Variants in WDR4 observed in about 807,000 individuals in gnomAD.
WDR4 encodes tRNA (guanine-N(7)-)-methyltransferase non-catalytic subunit WDR4.
WDR4 carries 47 observed loss-of-function variants against 48.6 expected under a neutral mutation model. That is an observed-to-expected ratio of 0.97 (90% CI 0.77 to 1.23). WDR4 has a LOEUF of 1.23. Among genes scored for constraint, WDR4 ranks in the 50% most tolerant of loss-of-function variants. The pLI is 0.00. For missense variants in WDR4, 606 were observed against 551.6 expected (o/e 1.10, Z -0.99); for synonymous variants, 268 against 230.0 (o/e 1.17, Z -1.49).
At chr21:42,857,995 G>GTGGGGAA (rs2058034252) in intron 6 of WDR4, among the ~76,000 whole-genome samples, 1 of 151,960 alleles carries the variant, frequency 6.6e-6, no homozygotes, top group Non-Finnish European at 1.5e-5. Context: ...GGAGGCCTGA[G>GTGGGGAA]GTGGGAGGAT....
chr21:42,892,424 CTT>C, the WDR4 span, among the ~76,000 whole-genome samples: 1 of 151,960 alleles, frequency 6.6e-6, no homozygotes, highest in Non-Finnish European at 1.5e-5. Context: ...GCAGACTCCT[CTT>C]TGATAAAGGC....
At position 42,849,971 on chromosome 21, in the gene WDR4, G is replaced by A; in HGVS notation, c.*78C>T. ...CTGATGTCACCTTTTCCTTCTTGAA[G>A]GGACATGCCAGGATGCAGGGGAACA... On this transcript the variant is annotated 3_prime_UTR_variant, in exon 11 of 11. Coordinates refer to ENST00000398208, the MANE Select transcript of WDR4 (RefSeq NM_018669.6). The A allele has an allele frequency of 6.4e-7, 1 of 1,563,074 alleles. No individual in the cohort carries two copies. The highest frequency in any genetic ancestry group is 8.7e-7 in the Non-Finnish European group (1 of 1,148,332).
chr21:42,848,582 AGCACACGATCACGCAGCGTGCACCT>A (rs2145982467), downstream of WDR4, among the ~76,000 whole-genome samples: 1 of 69,732 alleles, frequency 1.4e-5, no homozygotes, highest in Admixed American at 1.4e-4. Flanking sequence ...CGCACCTCAC[AGCACACGATCACGCAGCGTGCACCT>A]CACACACAGC....
intron 7 of WDR4, among the ~76,000 whole-genome samples, chr21:42,854,887 C>T (rs549530535): frequency 6.6e-6 from 1 of 152,206 alleles, no homozygotes; most frequent in Admixed American, 6.5e-5. Context: ...CAAGATAGGT[C>T]AGACAGTGAG....
chr21:42,858,543 AC>A (rs2058045693), intron 6 of WDR4, among the ~76,000 whole-genome samples: 1 of 151,896 alleles, frequency 6.6e-6, no homozygotes, highest in African/African-American at 2.4e-5. Context: ...GAAAACACTG[AC>A]CCTCCTCGCG....
rs932848641 is a variant in WDR4 at position 42,852,146 on chromosome 21, CTT to C, written c.1045+107_1045+108del. On this transcript the variant is annotated intron_variant, in intron 10 of 10. Coordinates refer to ENST00000398208, the MANE Select transcript of WDR4 (RefSeq NM_018669.6). The stretch of plus-strand genomic sequence containing the variant: ...ATGGGGACACACGCTTACTCTCCCT[CTT>C]TATCTGCACACCAGGTACCCCGGGC... 5.9e-6 allele frequency: 7 copies of C among 1,182,528 alleles called. No homozygotes were observed. The African/African-American group carries it at 1.1e-4, about 18-fold the overall frequency. The allele number at this position is 1,182,528 out of a possible 1,614,324, so 73.3% of individuals were successfully genotyped here. A position where few individuals can be genotyped will look rare whatever the true frequency, so the allele number is the denominator to read the frequency against.
At chr21:42,855,190 G>T (rs1470722944) in intron 7 of WDR4, among the ~76,000 whole-genome samples, 1 of 152,110 alleles carries the variant, frequency 6.6e-6, no homozygotes, top group African/African-American at 2.4e-5. Flanking sequence ...TCCACGTGAA[G>T]CATGAAGGAA....
chr21:42,870,176 C>T (rs540150902), intron 3 of WDR4, among the ~76,000 whole-genome samples: 2 of 152,066 alleles, frequency 1.3e-5, no homozygotes, highest in South Asian at 4.1e-4. Flanking sequence ...AATGGCAAAA[C>T]CCCATCTCTA....
intron 9 of WDR4, among the ~76,000 whole-genome samples, chr21:42,852,578 C>G (rs965970497): frequency 6.6e-6 from 1 of 152,242 alleles, no homozygotes; most frequent in Non-Finnish European, 1.5e-5. Flanking sequence ...CTGGGGACAT[C>G]ATGTGGCCTG....
At chr21:42,873,324 C>A (rs535520244) in intron 3 of WDR4, among the ~76,000 whole-genome samples, 2 of 152,320 alleles carry the variant, frequency 1.3e-5, no homozygotes, top group African/African-American at 4.8e-5. Context: ...TAACTGTTCA[C>A]CACCCAGCGT....
At chr21:42,860,748 G>A (rs2058095480) in intron 5 of WDR4, among the ~76,000 whole-genome samples, 1 of 152,270 alleles carries the variant, frequency 6.6e-6, no homozygotes, top group Admixed American at 6.5e-5. Flanking sequence ...CCAGGGGTCT[G>A]AAACAAAATC....
At chr21:42,885,375 C>T in the WDR4 span, among the ~76,000 whole-genome samples, 4 of 152,062 alleles carry the variant, frequency 2.6e-5, no homozygotes, top group African/African-American at 9.7e-5. Flanking sequence ...CTTTGGGAAG[C>T]CGAGGCAGGC....
At chr21:42,861,064 C>T (rs1439411889) in intron 5 of WDR4, among the ~76,000 whole-genome samples, 1 of 152,136 alleles carries the variant, frequency 6.6e-6, no homozygotes, top group African/African-American at 2.4e-5. Context: ...GTAATCCCAG[C>T]ACTGTGGGAG....
chr21:42,852,462 G>A (rs561164621), intron 9 of WDR4, 138 bp from the exon 10 acceptor site: 4 of 923,110 alleles, frequency 4.3e-6, no homozygotes, highest in Non-Finnish European at 6.6e-6. Flanking sequence ...TTCACCTTCT[G>A]TGGAGACCTG....
Position 42,873,681 on chromosome 21 carries a change from G to T in WDR4, c.166C>A (p.Pro56Thr). The T allele has an allele frequency of 6.2e-7, 1 of 1,613,910 alleles. No homozygotes were observed. The change falls in exon 3 of 11, where the codon CCC becomes ACC. Residue 56 changes from proline to threonine, a missense_variant. Physicochemically the swap from Pro to Thr is conservative, Grantham distance 38 (BLOSUM62 -1). Transcript: ENST00000398208. The part of the protein sequence containing the change: ...KSQENKGEDA[P>T]LDQGSGAILA... The stretch of plus-strand genomic sequence containing the variant: ...ATCGCACCGCTCCCCTGGTCCAAGG[G>T]CGCGTCCTCCCTGAGGAAGAGAGGA...
At chr21:42,847,926 C>T (rs1273384495), downstream of WDR4, among the ~76,000 whole-genome samples, 4 of 152,192 alleles carry the variant, frequency 2.6e-5, no homozygotes, top group East Asian at 1.9e-4. Context: ...GCATGCCCTG[C>T]GCCAGATGCC....
In WDR4 at chr21:42,879,491, G is replaced by A. The variant is rs749105000; in HGVS notation, c.5C>T (p.Ala2Val). 4 of 1,612,994 alleles carry A rather than the reference G, an allele frequency of 2.5e-6. No individual in the cohort carries two copies. Among genetic ancestry groups the A allele is most frequent in the African/African-American group, 2.7e-5 (2 of 74,860 alleles). The change falls in exon 1 of 11, where the codon GCG (alanine) becomes GTG (valine). Residue 2 changes from alanine (A) to valine (V), a missense_variant. By Grantham distance (64) the Ala-to-Val change is moderately conservative. Coordinates refer to ENST00000398208, the MANE Select transcript of WDR4 (RefSeq NM_018669.6). The part of the protein sequence containing the change: M[A>V]GSVGLALCGQ... ...GCACAACGCCAGTCCCACAGAGCCC[G>A]CCATGTACCCGCCCGCCTCACCGCC...
chr21:42,892,123 G>C, the WDR4 span, among the ~76,000 whole-genome samples: 1 of 148,530 alleles, frequency 6.7e-6, no homozygotes, highest in Non-Finnish European at 1.5e-5. Flanking sequence ...GCGTGGTGGC[G>C]GGTGCCTGTA....
At chr21:42,876,814 A>G in intron 1 of WDR4, 47 bp from the exon 2 acceptor site, 1 of 1,567,320 alleles carries the variant, frequency 6.4e-7, no homozygotes, top group Non-Finnish European at 8.6e-7. Flanking sequence ...CATTAGAGAG[A>G]AATAACAAAT....
Sources: gnomAD v4.1 joint callset for allele counts (sites outside exome capture counted in the v4.1 genomes callset) on GRCh38, gnomAD v4.1.1 for gene constraint, MANE v1.5 for transcripts, NCBI Gene and HGNC (gene_info 2026-07-23, HGNC 2026-07-21) for gene names.